NEK10: variants seen among roughly 807,000 people sequenced by gnomAD.
NEK10 encodes the protein serine/threonine-protein kinase Nek10.
In NEK10, 122 loss-of-function variants were observed where a neutral mutation model predicts 159.8. That is an observed-to-expected ratio of 0.76 (90% confidence interval 0.66 to 0.89). The LOEUF is 0.89. Among genes scored for constraint, NEK10 ranks in the 40% least tolerant of loss-of-function variants. NEK10 has a pLI of 0.00. For missense variants in NEK10, 1,342 were observed against 1,323.1 expected (o/e 1.01, Z -0.22); for synonymous variants, 466 against 457.1 (o/e 1.02, Z -0.25).
At chr3:27,326,906 G>A (rs1207974331) in intron 5 of NEK10, among the ~76,000 whole-genome samples, 8 of 152,180 alleles carry the variant, frequency 5.3e-5, no homozygotes, top group Non-Finnish European at 1.2e-4. Context: ...TGGTGTTCAA[G>A]GAGAATTGCA....
chr3:27,138,757 G>A (rs1943478480), intron 31 of NEK10, among the ~76,000 whole-genome samples: 3 of 152,116 alleles, frequency 2.0e-5, no homozygotes, highest in Non-Finnish European at 4.4e-5. Flanking sequence ...TCCTTTGCTT[G>A]TTGCCAATAG....
At chr3:27,242,511 G>C (rs934586622) in intron 23 of NEK10, among the ~76,000 whole-genome samples, 8 of 152,130 alleles carry the variant, frequency 5.3e-5, no homozygotes, top group Admixed American at 3.3e-4. Flanking sequence ...GGAAGGTGTA[G>C]ATCCAGGATT....
At chr3:27,125,302 A>G (rs1941817057) in intron 32 of NEK10, among the ~76,000 whole-genome samples, 1 of 152,198 alleles carries the variant, frequency 6.6e-6, no homozygotes, top group African/African-American at 2.4e-5. Context: ...TCTTTTTCAT[A>G]TGATAAAATA....
At chr3:27,199,277 C>G (rs983725667) in intron 25 of NEK10, among the ~76,000 whole-genome samples, 2 of 151,974 alleles carry the variant, frequency 1.3e-5, no homozygotes, top group African/African-American at 2.4e-5. Flanking sequence ...AGAAAAACAA[C>G]CCCATTAAAA....
Position 27,233,271 on chromosome 3 carries a change from A to G in NEK10, c.2090+23025T>C, listed in dbSNP as rs531373818. 3.9e-5 allele frequency among the ~76,000 whole-genome samples: 6 copies of G among 152,120 alleles called. No individual in the cohort carries two copies. In the South Asian group the frequency reaches 1.0e-3, roughly 26 times the overall value. On this transcript the variant is annotated intron_variant, in intron 23 of 35. Coordinates refer to ENST00000691995, the MANE Select transcript of NEK10 (RefSeq NM_001394966.1). Reference sequence around the variant, plus strand: ...GTTCTTAAAAGAAGACATAGAAACAACCAGCAAACATATGAAAAATGCTCA... The same window carrying G: ...GTTCTTAAAAGAAGACATAGAAACAGCCAGCAAACATATGAAAAATGCTCA...
chr3:27,169,272 AC>A (rs986424605), intron 29 of NEK10, among the ~76,000 whole-genome samples: 1 of 152,202 alleles, frequency 6.6e-6, no homozygotes, highest in African/African-American at 2.4e-5. Context: ...AATGTTGGGT[AC>A]TAGCAAGCCC....
At chr3:27,120,328 T>G (rs941189672) in intron 32 of NEK10, among the ~76,000 whole-genome samples, 1 of 140,380 alleles carries the variant, frequency 7.1e-6, no homozygotes, top group African/African-American at 2.9e-5. Context: ...TTCTTTTTTC[T>G]TTTTTTTTTT....
intron 1 of NEK10, among the ~76,000 whole-genome samples, chr3:27,361,496 A>G (rs1386887818): frequency 1.3e-5 from 2 of 152,268 alleles, no homozygotes; most frequent in Non-Finnish European, 2.9e-5. Context: ...CCCAAATAGA[A>G]TATGAGTATA....
At chr3:27,129,910 T>C (rs572332865) in intron 32 of NEK10, among the ~76,000 whole-genome samples, 1 of 151,984 alleles carries the variant, frequency 6.6e-6, no homozygotes, top group Admixed American at 6.6e-5. Flanking sequence ...TTGTCAGAGC[T>C]ATTTTTTTCA....
chr3:27,109,240 A>G lies in NEK10; in HGVS notation c.*2032T>C, dbSNP rs1939277576. Among the ~76,000 whole-genome samples the G allele has an allele frequency of 6.6e-6, 1 of 152,108 alleles. No individual in the cohort carries two copies. The highest frequency in any genetic ancestry group is 1.5e-5 in the Non-Finnish European group (1 of 68,000). ...CTAAAAACACAAAAATTAGCTGGGC[A>G]TGGCAGCACATGCCTGTAATCCCAG... On this transcript the variant is annotated 3_prime_UTR_variant, in exon 36 of 36. Coordinates refer to ENST00000691995, the MANE Select transcript of NEK10 (RefSeq NM_001394966.1).
intron 22 of NEK10, among the ~76,000 whole-genome samples, chr3:27,273,255 T>A (rs193139160): frequency 1.8e-3 from 269 of 152,264 alleles, no homozygotes; most frequent in Non-Finnish European, 3.2e-3. Context: ...AAATGTCCCC[T>A]CCAACAAACT....
intron 23 of NEK10, among the ~76,000 whole-genome samples, chr3:27,247,014 G>C (rs1373142327): frequency 6.6e-6 from 1 of 152,050 alleles, no homozygotes; most frequent in Non-Finnish European, 1.5e-5. Context: ...GAGTCGTCAG[G>C]TTTTTCCAAA....
intron 16 of NEK10, among the ~76,000 whole-genome samples, chr3:27,291,836 G>A (rs1575611690): frequency 6.6e-6 from 1 of 152,006 alleles, no homozygotes; most frequent in Non-Finnish European, 1.5e-5. Context: ...TAGAGACGGG[G>A]TTTCACCATG....
At chr3:27,172,333 CAAAAAA>C (rs57112652) in intron 28 of NEK10, among the ~76,000 whole-genome samples, 1 of 63,018 alleles carries the variant, frequency 1.6e-5, no homozygotes, top group South Asian at 7.2e-4. Flanking sequence ...GACCCCGTCT[CAAAAAA>C]AAAAAAAAAA....
intron 28 of NEK10, 29 bp from the exon 29 acceptor site, chr3:27,171,902 C>T (rs1169125607): frequency 1.9e-6 from 3 of 1,592,866 alleles, no homozygotes; most frequent in Admixed American, 1.7e-5. Context: ...AATAACTTTA[C>T]ATTATTTCCT....
intron 26 of NEK10, among the ~76,000 whole-genome samples, chr3:27,180,765 T>A (rs1002824861): frequency 2.6e-5 from 4 of 151,886 alleles, no homozygotes; most frequent in Admixed American, 6.6e-5. Flanking sequence ...AGAAAAAGAG[T>A]CACCATTGTC....
At chr3:27,312,847 A>C (rs2044812352) in intron 7 of NEK10, among the ~76,000 whole-genome samples, 1 of 152,212 alleles carries the variant, frequency 6.6e-6, no homozygotes, top group South Asian at 2.1e-4. Flanking sequence ...GAAAACAAAA[A>C]ATAAACATGA....
At chr3:27,317,023 T>C (rs1559491049) in intron 6 of NEK10, among the ~76,000 whole-genome samples, 1 of 152,230 alleles carries the variant, frequency 6.6e-6, no homozygotes, top group Non-Finnish European at 1.5e-5. Context: ...GAATAAAGTT[T>C]GAGAAGTGCT....
chr3:27,196,101 C>T (rs1949535573), intron 25 of NEK10, among the ~76,000 whole-genome samples: 1 of 152,086 alleles, frequency 6.6e-6, no homozygotes, highest in Non-Finnish European at 1.5e-5. Context: ...GTGCCCTGGA[C>T]CTGTTAGTTA....
Sources: allele counts gnomAD v4.1 joint callset (sites outside exome capture counted in the v4.1 genomes callset), GRCh38; gene constraint gnomAD v4.1.1; transcripts MANE v1.5; gene names NCBI Gene and HGNC (gene_info 2026-07-23, HGNC 2026-07-21).